Variants in CTSO observed in about 807,000 individuals in gnomAD.
CTSO encodes cathepsin O.
A neutral mutation model predicts 42.4 loss-of-function variants in CTSO; 40 were observed. The ratio of observed to expected loss-of-function variants is 0.94; its 90% CI spans 0.73 to 1.23. The LOEUF is 1.23. Among genes scored for constraint, CTSO ranks in the 50% most tolerant of loss-of-function variants. The probability of loss-of-function intolerance (pLI) is 0.00; values close to 1 mark genes in which losing one functional copy is unlikely to be tolerated. For synonymous variants in CTSO, 156 were observed against 146.2 expected (o/e 1.07, Z -0.48); for missense variants, 441 against 396.0 (o/e 1.11, Z -0.96).
chr4:155,929,503 A>C (rs1394431851), intron 6 of CTSO, 39 bp downstream of exon 6: 2 of 1,580,826 alleles, frequency 1.3e-6, no homozygotes, highest in African/African-American at 2.7e-5. Flanking sequence ...CTCAGTGTCC[A>C]TGCTGGAAAG....
intron 5 of CTSO, among the ~76,000 whole-genome samples, chr4:155,935,301 T>C (rs928325974): frequency 6.6e-6 from 1 of 152,166 alleles, no homozygotes; most frequent in Non-Finnish European, 1.5e-5. Context: ...CTTGGGTATG[T>C]CTTTATCAGC....
Position 155,929,613 on chromosome 4 carries a change from C to T in CTSO, c.767G>A (p.Gly256Asp), listed in dbSNP as rs1466710117. ...DAVSWQDYLG[G>D]IIQHHCSSGE... is the part of the protein sequence containing the mutation. The stretch of plus-strand genomic sequence containing the variant: ...ACTAGAGCAGTGATGCTGTATAATG[C>T]CTCCCAGATAATCTTGCCAGCTCAC... Residue 256 changes from glycine to aspartate, a missense_variant, in exon 6 of 8, where the codon GGC becomes GAC. Coordinates refer to ENST00000433477, the MANE Select transcript of CTSO (RefSeq NM_001334.3). 1.2e-6 allele frequency: 2 copies of T among 1,613,878 alleles called. No homozygotes were observed. The highest frequency in any genetic ancestry group is 1.7e-6 in the Non-Finnish European group (2 of 1,179,960).
At position 155,939,354 on chromosome 4, in the gene CTSO, G is replaced by T; in HGVS notation, c.552+17C>A. ...AAAAAGGAAATAAAGAGTTTAAGAG[G>T]TTGAGAGACTAGTCACCTTGTTTAA... On this transcript the variant is annotated intron_variant, in intron 4 of 7. Transcript: ENST00000433477. The T allele has an allele frequency of 6.3e-7, 1 of 1,581,824 alleles. No individual in the cohort carries two copies. The highest frequency in any genetic ancestry group is 1.1e-5 in the South Asian group (1 of 87,028).
In CTSO at chr4:155,953,726, G is replaced by A; in HGVS notation, c.122C>T (p.Ala41Val). 1.6e-6 allele frequency: 2 copies of A among 1,271,424 alleles called. No homozygotes were observed. The highest frequency in any genetic ancestry group is 9.9e-7 in the Non-Finnish European group (1 of 1,009,802). The allele number at this position is 1,271,424 out of a possible 1,614,324, so 78.8% of individuals were successfully genotyped here. Reference sequence around the variant, plus strand: ...CGCGCTCGGTACCCGGAAGGCGGCGGCTTCACGCTCGCGGCTCCGCGGCCA... The same window carrying A: ...CGCGCTCGGTACCCGGAAGGCGGCGACTTCACGCTCGCGGCTCCGCGGCCA... ...PTWPRSRERE[A>V]AAFRESLNRH... Residue 41 changes from alanine (A) to valine (V), a missense_variant, in exon 1 of 8, where the codon GCC becomes GTC. Ala to Val is a moderately conservative substitution (Grantham distance 64). Coordinates refer to ENST00000433477, the MANE Select transcript of CTSO (RefSeq NM_001334.3).
At position 155,927,817 on chromosome 4, in the gene CTSO, A is replaced by G. The variant is rs1244417995; in HGVS notation, c.931+519T>C. Among the ~76,000 whole-genome samples the G allele has an allele frequency of 2.0e-5, 3 of 152,154 alleles. No homozygotes were observed. In the East Asian group the frequency reaches 5.8e-4, roughly 29 times the overall value. On this transcript the variant is annotated intron_variant, in intron 7 of 7. Transcript: ENST00000433477. ...CACTCAATAAAAAAGCATGTTTGGT[A>G]TTTGCCTAAGCCTCTCAATTCTAGT... is the stretch of plus-strand genomic sequence containing the variant.
chr4:155,932,708 C>A (rs968731991), intron 5 of CTSO, among the ~76,000 whole-genome samples: 5 of 152,094 alleles, frequency 3.3e-5, no homozygotes, highest in Admixed American at 6.6e-5. Flanking sequence ...AGTTCCCCAG[C>A]AGGACTAAGC....
At chr4:155,934,519 C>T (rs1743295308) in intron 5 of CTSO, among the ~76,000 whole-genome samples, 1 of 152,200 alleles carries the variant, frequency 6.6e-6, no homozygotes, top group Admixed American at 6.5e-5. Flanking sequence ...AAGCCACAGA[C>T]ACTCAATGCC....
intron 1 of CTSO, among the ~76,000 whole-genome samples, chr4:155,947,123 G>C (rs1489527603): frequency 6.6e-6 from 1 of 152,164 alleles, no homozygotes; most frequent in Non-Finnish European, 1.5e-5. Context: ...GCCTCTCAGA[G>C]TGCTGGGATC....
At chr4:155,951,380 T>C (rs975646763) in intron 1 of CTSO, among the ~76,000 whole-genome samples, 6 of 152,162 alleles carry the variant, frequency 3.9e-5, no homozygotes, top group Non-Finnish European at 7.3e-5. Context: ...AGTTAAGAGC[T>C]TCCTGAGCAC....
chr4:155,933,878 A>G (rs559328441), intron 5 of CTSO, among the ~76,000 whole-genome samples: 1 of 152,330 alleles, frequency 6.6e-6, no homozygotes, highest in African/African-American at 2.4e-5. Flanking sequence ...TTTAAAAGGG[A>G]AAACAGAGCA....
chr4:155,926,032 C>G lies in CTSO; in HGVS notation c.*4G>C, dbSNP rs200990695. ...TGTAGCTGTCTCTTGATCTGCCCAA[C>G]ATGTCACACAAATATAGAAGAAACG... On this transcript the variant is annotated 3_prime_UTR_variant, in exon 8 of 8. Transcript: ENST00000433477. 3.7e-6 allele frequency: 6 copies of G among 1,603,840 alleles called. No homozygotes were observed. The East Asian group carries it at 1.3e-4, about 36-fold the overall frequency.
chr4:155,944,063 T>G (rs561075810), intron 1 of CTSO, among the ~76,000 whole-genome samples: 1 of 152,216 alleles, frequency 6.6e-6, no homozygotes, highest in African/African-American at 2.4e-5. Context: ...GTGTTTATTG[T>G]GTGTCTGTAT....
chr4:155,945,576 T>A (rs994585807), intron 1 of CTSO, among the ~76,000 whole-genome samples: 1 of 152,142 alleles, frequency 6.6e-6, no homozygotes, highest in Non-Finnish European at 1.5e-5. Flanking sequence ...GTGAACTTTA[T>A]ACAATGAAGA....
intron 7 of CTSO, among the ~76,000 whole-genome samples, chr4:155,926,648 A>G (rs1411676436): frequency 2.6e-5 from 4 of 152,188 alleles, no homozygotes; most frequent in Admixed American, 6.5e-5. Context: ...CATAAGAGTA[A>G]TATGACATCA....
At position 155,928,334 on chromosome 4, in the gene CTSO, A is replaced by G; in HGVS notation, c.931+2T>C. On this transcript the variant is annotated splice_donor_variant, in intron 7 of 7. Transcript: ENST00000433477. LOFTEE classifies it high-confidence loss of function. ...GGTTTTAAACACAAACTCATGACTT[A>G]CCACAAACATTACTTCCCATTTTGA... 1 of 1,605,808 alleles carries G rather than the reference A, an allele frequency of 6.2e-7. No individual in the cohort carries two copies. The highest frequency in any genetic ancestry group is 1.1e-5 in the South Asian group (1 of 90,048).
intron 1 of CTSO, among the ~76,000 whole-genome samples, chr4:155,945,315 T>C (rs1428463932): frequency 6.6e-6 from 1 of 151,774 alleles, no homozygotes; most frequent in Non-Finnish European, 1.5e-5. Flanking sequence ...GAATAACCAA[T>C]TTACCAATAT....
chr4:155,945,246 G>T (rs2110931133), intron 1 of CTSO, among the ~76,000 whole-genome samples: 1 of 151,788 alleles, frequency 6.6e-6, no homozygotes, highest in African/African-American at 2.4e-5. Flanking sequence ...GACAGAGCGA[G>T]CCTCCAACTC....
At chr4:155,934,784 G>A (rs1743301404) in intron 5 of CTSO, among the ~76,000 whole-genome samples, 1 of 152,184 alleles carries the variant, frequency 6.6e-6, no homozygotes, top group African/African-American at 2.4e-5. Context: ...TATCCCTACT[G>A]CATCTAGGAA....
At chr4:155,926,236 A>T (rs147111707) in intron 7 of CTSO, among the ~76,000 whole-genome samples, 166 bp from the exon 8 acceptor site, 61 of 152,318 alleles carry the variant, frequency 4.0e-4, no homozygotes, top group African/African-American at 1.4e-3. Context: ...AAAAGCAGAT[A>T]TTAGAAGAGA....
Sources: gnomAD v4.1 joint callset for allele counts (sites outside exome capture counted in the v4.1 genomes callset) on GRCh38, gnomAD v4.1.1 for gene constraint, MANE v1.5 for transcripts, NCBI Gene and HGNC (gene_info 2026-07-23, HGNC 2026-07-21) for gene names.